Variants in ZNF704 observed in about 807,000 individuals in gnomAD.
ZNF704 encodes zinc finger protein 704.
A neutral mutation model predicts 44.7 loss-of-function variants in ZNF704; 10 were observed. The ratio of observed to expected loss-of-function variants is 0.22; its 90% CI spans 0.14 to 0.38. The LOEUF is 0.38. Among genes scored for constraint, ZNF704 ranks in the 10% least tolerant of loss-of-function variants. ZNF704 has a pLI of 1.00. For synonymous variants in ZNF704, 211 were observed against 207.6 expected (o/e 1.02, Z -0.14); for missense variants, 390 against 545.5 (o/e 0.71, Z 2.84).
intron 4 of ZNF704, among the ~76,000 whole-genome samples, chr8:80,673,889 C>A (rs1818319612): frequency 6.6e-6 from 1 of 152,222 alleles, no homozygotes; most frequent in Admixed American, 6.5e-5. Context: ...GAGCCCAGGG[C>A]CCACTGTGCC....
intron 1 of ZNF704, among the ~76,000 whole-genome samples, chr8:80,829,855 A>G (rs546875048): frequency 6.6e-6 from 1 of 152,340 alleles, no homozygotes; most frequent in East Asian, 1.9e-4. Flanking sequence ...TTCTTATTTA[A>G]AAGTAGAATT....
At chr8:80,801,732 A>G (rs1424496015) in intron 2 of ZNF704, among the ~76,000 whole-genome samples, 25 of 152,142 alleles carry the variant, frequency 1.6e-4, no homozygotes. Flanking sequence ...TCAAATTAAT[A>G]ACCTAAAAGA....
intron 2 of ZNF704, among the ~76,000 whole-genome samples, chr8:80,783,090 C>T (rs1807556916): frequency 6.6e-6 from 1 of 152,126 alleles, no homozygotes; most frequent in Non-Finnish European, 1.5e-5. Context: ...AAAGTCTATA[C>T]ATTTGCACTC....
chr8:80,822,987 G>A (rs899273207), intron 1 of ZNF704, among the ~76,000 whole-genome samples: 25 of 152,276 alleles, frequency 1.6e-4, no homozygotes, highest in African/African-American at 5.8e-4. Flanking sequence ...GCCAAATATA[G>A]GAACAGCTCC....
intron 1 of ZNF704, among the ~76,000 whole-genome samples, chr8:80,831,323 A>G (rs1808469355): frequency 2.0e-5 from 3 of 152,176 alleles, no homozygotes; most frequent in African/African-American, 4.8e-5. Context: ...GCACCTGGAG[A>G]GCAACTTTTT....
chr8:80,838,300 G>C (rs1221299303), intron 1 of ZNF704, among the ~76,000 whole-genome samples: 1 of 152,086 alleles, frequency 6.6e-6, no homozygotes, highest in African/African-American at 2.4e-5. Flanking sequence ...GAACCTTTAG[G>C]CAAGTTGGAG....
At chr8:80,758,761 C>G (rs185928412) in intron 2 of ZNF704, among the ~76,000 whole-genome samples, 2 of 152,112 alleles carry the variant, frequency 1.3e-5, no homozygotes, top group African/African-American at 4.8e-5. Flanking sequence ...TGTTTGAAAT[C>G]AGGTGCATTT....
chr8:80,685,117 G>C (rs1055857281), intron 4 of ZNF704, among the ~76,000 whole-genome samples: 11 of 151,292 alleles, frequency 7.3e-5, no homozygotes, highest in African/African-American at 2.7e-4. Flanking sequence ...GTGGGCCTGT[G>C]CTCATCCAAT....
chr8:80,748,635 A>G (rs1399680381), intron 2 of ZNF704, among the ~76,000 whole-genome samples: 1 of 152,200 alleles, frequency 6.6e-6, no homozygotes, highest in East Asian at 1.9e-4. Flanking sequence ...GCATTGCTGT[A>G]GCAAATAGCA....
At position 80,643,062 on chromosome 8, in the gene ZNF704, G is replaced by A; in HGVS notation, c.1100C>T (p.Ser367Phe). The change falls in exon 8 of 9, where the codon TCC (serine) becomes TTC (phenylalanine). Residue 367 changes from serine to phenylalanine, a missense_variant. Transcript: ENST00000327835. Reference sequence around the variant, plus strand: ...TAAGCTGACTGTGCCTCTGGGTGGGGAGGACAGGACCGTGTGCGCATGCTG... The same window carrying A: ...TAAGCTGACTGTGCCTCTGGGTGGGAAGGACAGGACCGTGTGCGCATGCTG... ...QRQHAHTVLS[S>F]PPRGTVSLRK... The A allele has an allele frequency of 6.3e-7, 1 of 1,596,258 alleles. No individual in the cohort carries two copies.
At chr8:80,761,312 G>C (rs77800048) in intron 2 of ZNF704, among the ~76,000 whole-genome samples, 9,127 of 152,274 alleles carry the variant, frequency 0.06, 312 homozygotes, top group Middle Eastern at 0.13. Flanking sequence ...TTTTGTTATA[G>C]AGCAGGAAAG....
chr8:80,735,895 AT>A (rs1806657297), intron 2 of ZNF704, among the ~76,000 whole-genome samples: 1 of 152,216 alleles, frequency 6.6e-6, no homozygotes, highest in African/African-American at 2.4e-5. Context: ...TATGCAGCAA[AT>A]GTTGCTTTGG....
chr8:80,712,165 T>C (rs965534854), intron 2 of ZNF704, among the ~76,000 whole-genome samples: 2 of 151,952 alleles, frequency 1.3e-5, no homozygotes, highest in Non-Finnish European at 2.9e-5. Context: ...ATCCCAGGAG[T>C]GGGTTCCTGA....
rs1276689694 is a variant in ZNF704 at position 80,634,482 on chromosome 8, G to C, written c.*6884C>G. 2 of 152,238 alleles carry C rather than the reference G, an allele frequency of 1.3e-5. No homozygotes were observed. Among genetic ancestry groups the C allele is most frequent in the East Asian group, 1.9e-4 (1 of 5,204 alleles). 9.4% of individuals were successfully genotyped at this position (152,238 alleles called of 1,614,324 possible). On this transcript the variant is annotated 3_prime_UTR_variant, in exon 9 of 9. Transcript: ENST00000327835. ...CACTTTTCCCAATAGTTGAAACTGG[G>C]GGCTGCAGGCTGCACCTGTCTGTGT...
intron 1 of ZNF704, among the ~76,000 whole-genome samples, chr8:80,833,087 C>A (rs1808496085): frequency 6.6e-6 from 1 of 152,198 alleles, no homozygotes; most frequent in African/African-American, 2.4e-5. Flanking sequence ...GTGGCTCATG[C>A]CTGTAGTCTC....
chr8:80,873,337 G>A (rs1353799839), intron 1 of ZNF704, among the ~76,000 whole-genome samples: 1 of 152,118 alleles, frequency 6.6e-6, no homozygotes, highest in East Asian at 1.9e-4. Flanking sequence ...CCGCCTGGGA[G>A]AGACGCAGGG....
At chr8:80,693,262 C>A (rs962287092) in intron 2 of ZNF704, among the ~76,000 whole-genome samples, 155 bp from the exon 3 acceptor site, 1 of 152,162 alleles carries the variant, frequency 6.6e-6, no homozygotes, top group Non-Finnish European at 1.5e-5. Context: ...GAAGCTGAAG[C>A]CCATGAAGTG....
rs1327990559 is a variant in ZNF704 at position 80,635,056 on chromosome 8, T to A, written c.*6310A>T. Reference sequence around the variant, plus strand: ...AGGTCTGAGTGACCTTCTGACCACCTCATAAGAGCTGCCCAACGGGTGTAT... The same window carrying A: ...AGGTCTGAGTGACCTTCTGACCACCACATAAGAGCTGCCCAACGGGTGTAT... On this transcript the variant is annotated 3_prime_UTR_variant, in exon 9 of 9. Coordinates refer to ENST00000327835, the MANE Select transcript of ZNF704 (RefSeq NM_001033723.3). The A allele has an allele frequency of 1.3e-5, 2 of 152,206 alleles. No homozygotes were observed. Among genetic ancestry groups the A allele is most frequent in the Non-Finnish European group, 2.9e-5 (2 of 68,038 alleles). The allele number at this position is 152,206 out of a possible 1,614,324, so 9.4% of individuals were successfully genotyped here. A position where few individuals can be genotyped will look rare whatever the true frequency, so the allele number is the denominator to read the frequency against.
intron 6 of ZNF704, among the ~76,000 whole-genome samples, chr8:80,663,209 G>A (rs953538031): frequency 3.3e-5 from 5 of 151,790 alleles, no homozygotes; most frequent in East Asian, 1.9e-4. Context: ...GTGAGAGCTC[G>A]TCTCTACAAA....
Sources: gnomAD v4.1 joint callset for allele counts (sites outside exome capture counted in the v4.1 genomes callset) on GRCh38, gnomAD v4.1.1 for gene constraint, MANE v1.5 for transcripts, NCBI Gene and HGNC (gene_info 2026-07-23, HGNC 2026-07-21) for gene names.